ZNF335: variants seen among roughly 807,000 people sequenced by gnomAD.
ZNF335 encodes zinc finger protein 335.
Under a neutral mutation model 145.6 loss-of-function variants are expected in ZNF335, and 84 were observed. That is an observed-to-expected ratio of 0.58 (90% CI 0.48 to 0.69). ZNF335 has a LOEUF of 0.69. Among genes scored for constraint, ZNF335 ranks in the 30% least tolerant of loss-of-function variants. The pLI, the probability that ZNF335 is intolerant of heterozygous loss-of-function variation, is 0.00. For missense variants in ZNF335, 1,865 were observed against 1,809.7 expected (o/e 1.03, Z -0.55); for synonymous variants, 761 against 717.0 (o/e 1.06, Z -0.98).
intron 18 of ZNF335, 48 bp downstream of exon 18, chr20:45,953,641 C>CCA: frequency 6.2e-7 from 1 of 1,603,442 alleles, no homozygotes; most frequent in Non-Finnish European, 8.5e-7. Context: ...GACCGACCGA[C>CCA]CACACCTACA....
intron 7 of ZNF335, 25 bp from the exon 8 acceptor site, chr20:45,964,015 A>C (rs772767365): frequency 6.6e-7 from 1 of 1,512,726 alleles, no homozygotes; most frequent in Admixed American, 2.3e-5. Flanking sequence ...CCAGGTCACA[A>C]GCCAGCCACT....
intron 7 of ZNF335, 47 bp downstream of exon 7, chr20:45,965,581 C>A: frequency 6.4e-7 from 1 of 1,554,946 alleles, no homozygotes; most frequent in Non-Finnish European, 8.6e-7. Context: ...GGGAGAGAGG[C>A]CACTCCTGAC....
intron 3 of ZNF335, among the ~76,000 whole-genome samples, chr20:45,969,095 T>G (rs1393239887): frequency 1.3e-5 from 2 of 152,218 alleles, no homozygotes; most frequent in Non-Finnish European, 2.9e-5. Flanking sequence ...ATGTATGTCC[T>G]TGGTGCCTCA....
At chr20:45,962,038 C>T in intron 10 of ZNF335, 32 bp downstream of exon 10, 1 of 1,213,370 alleles carries the variant, frequency 8.2e-7, no homozygotes, top group Non-Finnish European at 1.2e-6. Context: ...CCTGGCCTCT[C>T]TTGCCCAGGT....
Position 45,950,278 on chromosome 20 carries a change from T to G in ZNF335, c.3428A>C (p.Gln1143Pro). The stretch of plus-strand genomic sequence containing the variant: ...CAGGATGATGGTCTGGGTTGGGGTC[T>G]GGGTAGGGGCCCGGGCTGTAGGGGT... Reference protein sequence around the residue: ...SGTPTARAPTQTPTQTIILNS... With the variant: ...SGTPTARAPTPTPTQTIILNS... The change falls in exon 22 of 28, where the codon CAG (glutamine) becomes CCG (proline). Residue 1143 changes from glutamine to proline, a missense_variant. By Grantham distance (76) the Gln-to-Pro change is moderately conservative. Transcript: ENST00000322927. 6.4e-7 allele frequency: 1 copy of G among 1,555,268 alleles called. No homozygotes were observed. The highest frequency in any genetic ancestry group is 8.7e-7 in the Non-Finnish European group (1 of 1,149,728).
Position 45,959,258 on chromosome 20 carries a change from C to T in ZNF335, c.2196G>A (p.Leu732=). ...PFFSLQQIEE[L]KQQHSAAPGP... ...CAGGGGCCGCACTGTGCTGCTGCTT[C>T]AGCTCCTCAATCTGCTGCAGAGAGA... The change falls in exon 15 of 28, where the codon CTG becomes CTA. Residue 732 remains leucine (L), a synonymous_variant. Coordinates refer to ENST00000322927, the MANE Select transcript of ZNF335 (RefSeq NM_022095.4). The T allele has an allele frequency of 6.6e-7, 1 of 1,510,336 alleles. No homozygotes were observed. The allele number at this position is 1,510,336 out of a possible 1,614,324, so 93.6% of individuals were successfully genotyped here. A position where few individuals can be genotyped will look rare whatever the true frequency, so the allele number is the denominator to read the frequency against.
Position 45,950,311 on chromosome 20 carries a change from T to G in ZNF335, c.3395A>C (p.Lys1132Thr), listed in dbSNP as rs149880166. The G allele has an allele frequency of 1.3e-5, 20 of 1,567,828 alleles. No individual in the cohort carries two copies. The Middle Eastern group carries it at 5.1e-4, about 40-fold the overall frequency. ...GGCCCGGGCTGTAGGGGTTCCTGACTTCCTCCCATCAGGACTGTGCAGCCG... is the reference window on the plus strand; with the variant it reads ...GGCCCGGGCTGTAGGGGTTCCTGACGTCCTCCCATCAGGACTGTGCAGCCG... ...IQRLHSPDGR[K>T]SGTPTARAPT... Residue 1132 changes from lysine (K) to threonine (T), a missense_variant, in exon 22 of 28, where the codon AAG (lysine) becomes ACG (threonine). Coordinates refer to ENST00000322927, the MANE Select transcript of ZNF335 (RefSeq NM_022095.4).
At chr20:45,953,997 C>T (rs372041855) in intron 17 of ZNF335, 49 bp from the exon 18 acceptor site, 10 of 1,525,542 alleles carry the variant, frequency 6.6e-6, no homozygotes, top group African/African-American at 1.4e-5. Context: ...GGCAGAGGAG[C>T]GGGTATGCAA....
At chr20:45,950,807 CATT>C (rs774407413) in intron 20 of ZNF335, among the ~76,000 whole-genome samples, 7 of 152,326 alleles carry the variant, frequency 4.6e-5, no homozygotes, top group Non-Finnish European at 7.3e-5. Flanking sequence ...TAGATTCCAT[CATT>C]ATTAGGTAAA....
chr20:45,963,884 C>T lies in ZNF335; in HGVS notation c.1209G>A (p.Met403Ile). 1 of 1,604,560 alleles carries T rather than the reference C, an allele frequency of 6.2e-7. No individual in the cohort carries two copies. Among genetic ancestry groups the T allele is most frequent in the African/African-American group, 1.3e-5 (1 of 74,894 alleles). Reference sequence around the variant, plus strand: ...CCACAGGGGTCCTGCTCACCTTGCCCATGGCCACCAGGTGTCCTGGGCCTG... The same window carrying T: ...CCACAGGGGTCCTGCTCACCTTGCCTATGGCCACCAGGTGTCCTGGGCCTG... Reference protein sequence around the residue: ...SSSGPGHLVAMGKVSRTPVEA... With the variant: ...SSSGPGHLVAIGKVSRTPVEA... Residue 403 changes from methionine to isoleucine, a missense_variant, in exon 8 of 28, where the codon ATG (methionine) becomes ATA (isoleucine). Met to Ile is a conservative substitution (Grantham distance 10). Transcript: ENST00000322927.
At chr20:45,956,346 G>A (rs989981771) in intron 17 of ZNF335, among the ~76,000 whole-genome samples, 1 of 151,368 alleles carries the variant, frequency 6.6e-6, no homozygotes, top group Non-Finnish European at 1.5e-5. Flanking sequence ...CTCCTGCCTC[G>A]GCCTCCCGAG....
intron 10 of ZNF335, 95 bp downstream of exon 10, chr20:45,961,975 G>A (rs1219116994): frequency 7.6e-6 from 8 of 1,052,596 alleles, no homozygotes; most frequent in African/African-American, 6.2e-5. Context: ...CTCAGAGCAG[G>A]AGCACGGTAA....
Position 45,950,543 on chromosome 20 carries a change from C to G in ZNF335, c.3242G>C (p.Ser1081Thr), listed in dbSNP as rs759590475. 1.9e-6 allele frequency: 3 copies of G among 1,614,060 alleles called. No individual in the cohort carries two copies. Among genetic ancestry groups the G allele is most frequent in the African/African-American group, 2.7e-5 (2 of 74,932 alleles). The stretch of plus-strand genomic sequence containing the variant: ...GTCCTTCTTGTTCTTGGAGGCAAAG[C>G]TGCACTGGCTACACTGGTGGGGCCG... ...SLRPHQCSQC[S>T]FASKNKKDLR... is the part of the protein sequence containing the mutation. The change falls in exon 21 of 28, where the codon AGC (serine) becomes ACC (threonine). Residue 1081 changes from serine (S) to threonine (T), a missense_variant. Coordinates refer to ENST00000322927, the MANE Select transcript of ZNF335 (RefSeq NM_022095.4).
intron 17 of ZNF335, 36 bp from the exon 18 acceptor site, chr20:45,953,984 G>A: frequency 6.5e-7 from 1 of 1,543,012 alleles, no homozygotes; most frequent in Non-Finnish European, 8.8e-7. Context: ...GGGAGGCACT[G>A]GTGGCAGAGG....
Position 45,965,787 on chromosome 20 carries a change from G to A in ZNF335, c.956-13C>T. 1.3e-6 allele frequency: 2 copies of A among 1,594,974 alleles called. No homozygotes were observed. Among genetic ancestry groups the A allele is most frequent in the Non-Finnish European group, 8.5e-7 (1 of 1,171,392 alleles). On this transcript the variant is annotated splice_polypyrimidine_tract_variant and intron_variant, in intron 6 of 27. Coordinates refer to ENST00000322927, the MANE Select transcript of ZNF335 (RefSeq NM_022095.4). ...TAGTCGCTATCCTCTGTGGGGGACA[G>A]TAAAGTTGGTGAACAGTGAGTGGCG... is the stretch of plus-strand genomic sequence containing the variant.
rs745509620 is a variant in ZNF335 at position 45,969,635 on chromosome 20, A to G, written c.258T>C (p.Pro86=). ...GCCCATGAGACACAGACGATGAATC[A>G]GGGAGGTAGCTATTAGGCAGGGGGT... is the stretch of plus-strand genomic sequence containing the variant. ...SADPLPNSYL[P]DSSSVSHGPV... is the part of the protein sequence containing the mutation. Residue 86 remains proline (P), a synonymous_variant, in exon 3 of 28, where the codon CCT becomes CCC. Transcript: ENST00000322927. 1.2e-6 allele frequency: 2 copies of G among 1,611,302 alleles called. No individual in the cohort carries two copies. The highest frequency in any genetic ancestry group is 3.3e-5 in the Admixed American group (2 of 59,956).
intron 17 of ZNF335, among the ~76,000 whole-genome samples, chr20:45,954,182 A>C (rs1644855849): frequency 6.6e-6 from 1 of 152,300 alleles, no homozygotes; most frequent in African/African-American, 2.4e-5. Context: ...TGTGCCCCCC[A>C]CAAAGATTTG....
At position 45,949,956 on chromosome 20, in the gene ZNF335, T is replaced by C. The variant is rs571845697; in HGVS notation, c.3591+10A>G. 1 of 1,614,164 alleles carries C rather than the reference T, an allele frequency of 6.2e-7. No homozygotes were observed. The highest frequency in any genetic ancestry group is 1.3e-5 in the African/African-American group (1 of 75,066). On this transcript the variant is annotated intron_variant, in intron 23 of 27. Coordinates refer to ENST00000322927, the MANE Select transcript of ZNF335 (RefSeq NM_022095.4). ...TCGCTGGCCAGAGGGCCCCCAGTCC[T>C]GACTCTTACCTGATTGGTCACTGTC...
At chr20:45,965,088 T>C (rs903708382) in intron 7 of ZNF335, among the ~76,000 whole-genome samples, 1 of 150,830 alleles carries the variant, frequency 6.6e-6, no homozygotes, top group African/African-American at 2.4e-5. Flanking sequence ...TCTCCAACCA[T>C]AAACAGCTGC....
Sources: allele counts gnomAD v4.1 joint callset (sites outside exome capture counted in the v4.1 genomes callset), GRCh38; gene constraint gnomAD v4.1.1; transcripts MANE v1.5; gene names NCBI Gene and HGNC (gene_info 2026-07-23, HGNC 2026-07-21).